The following TMPRSS15 variants were observed in gnomAD, a reference collection of about 807,000 sequenced individuals.
TMPRSS15 encodes the protein transmembrane serine protease 15.
A neutral mutation model predicts 125.3 loss-of-function variants in TMPRSS15; 128 were observed. The observed-to-expected ratio is 1.02, with a 90% CI of 0.89 to 1.18. The LOEUF (loss-of-function observed/expected upper bound fraction) is 1.18. TMPRSS15 is among the 50% of genes most tolerant of loss of function. The probability of loss-of-function intolerance (pLI) is 0.00; values close to 1 mark genes in which losing one functional copy is unlikely to be tolerated. For missense variants in TMPRSS15, 1,283 were observed against 1,212.7 expected (o/e 1.06, Z -0.86); for synonymous variants, 446 against 423.2 (o/e 1.05, Z -0.66).
At chr21:18,383,830 T>G in intron 3 of TMPRSS15, 52 bp from the exon 4 acceptor site, 1 of 1,585,904 alleles carries the variant, frequency 6.3e-7, no homozygotes, top group Non-Finnish European at 8.6e-7. Flanking sequence ...CTTCCACTGA[T>G]TTGTGTTCAA....
At chr21:18,463,194 G>A (rs2122910963) in intron 1 of TMPRSS15, among the ~76,000 whole-genome samples, 4,108 of 115,306 alleles carry the variant, frequency 0.036, 116 homozygotes, top group African/African-American at 0.1. Flanking sequence ...GCAAAAACAC[G>A]CATAGGCTCA....
rs374033466 is a variant in TMPRSS15 at position 18,317,834 on chromosome 21, T to C, written c.1922-2578A>G. ...CATCCCATTCTATCCTATCCCATCC[T>C]ATTCCATCCCATCCCATCCCATCCC... On this transcript the variant is annotated intron_variant, in intron 16 of 24. Transcript: ENST00000284885. 8.9e-3 allele frequency among the ~76,000 whole-genome samples: 319 copies of C among 35,870 alleles called. 5 individuals are homozygous for C. The highest frequency in any genetic ancestry group is 0.021 in the African/African-American group (172 of 8,168). 23.5% of individuals were successfully genotyped at this position (35,870 alleles called of 152,430 possible). A position where few individuals can be genotyped will look rare whatever the true frequency, so the allele number is the denominator to read the frequency against.
At chr21:18,332,267 A>G (rs2075353339) in intron 13 of TMPRSS15, 94 bp from the exon 14 acceptor site, 2 of 1,161,200 alleles carry the variant, frequency 1.7e-6, no homozygotes, top group Non-Finnish European at 2.6e-6. Context: ...TACATTTCTT[A>G]GAATACAAAT....
chr21:18,405,113 A>C (rs1569061572), upstream of TMPRSS15, among the ~76,000 whole-genome samples: 1 of 152,166 alleles, frequency 6.6e-6, no homozygotes, highest in African/African-American at 2.4e-5. Context: ...GCAGAAGCAA[A>C]CCCTTTTTAG....
At chr21:18,311,632 T>C (rs752492896) in intron 18 of TMPRSS15, among the ~76,000 whole-genome samples, 53 of 152,078 alleles carry the variant, frequency 3.5e-4, no homozygotes, top group Non-Finnish European at 1.2e-4. Flanking sequence ...CCATAGACTG[T>C]TGGGGAAAAT....
chr21:18,330,251 G>A (rs2075331438), intron 14 of TMPRSS15, among the ~76,000 whole-genome samples: 1 of 152,006 alleles, frequency 6.6e-6, no homozygotes, highest in South Asian at 2.1e-4. Flanking sequence ...ACCACAACAG[G>A]AGTTCAAATC....
intron 1 of TMPRSS15, among the ~76,000 whole-genome samples, chr21:18,402,390 G>A (rs1210313523): frequency 2.6e-5 from 4 of 151,950 alleles, no homozygotes; most frequent in African/African-American, 4.8e-5. Flanking sequence ...TTAGCTGGGC[G>A]TGATGGCGCG....
intron 23 of TMPRSS15, among the ~76,000 whole-genome samples, chr21:18,277,061 C>A (rs768017594): frequency 1.3e-5 from 2 of 151,958 alleles, no homozygotes; most frequent in Non-Finnish European, 2.9e-5. Flanking sequence ...CCACCGCACC[C>A]GGCCAGAAAA....
chr21:18,452,601 G>T (rs550668788), intron 1 of TMPRSS15, among the ~76,000 whole-genome samples: 9 of 152,320 alleles, frequency 5.9e-5, no homozygotes, highest in African/African-American at 2.2e-4. Context: ...TGGATGGGAT[G>T]TTGAGGCTGA....
intron 18 of TMPRSS15, among the ~76,000 whole-genome samples, chr21:18,311,167 C>A (rs920234382): frequency 6.7e-6 from 1 of 149,866 alleles, no homozygotes; most frequent in African/African-American, 2.5e-5. Context: ...TCCAGGACAT[C>A]GGTCTGGACA....
intron 16 of TMPRSS15, among the ~76,000 whole-genome samples, chr21:18,323,696 T>A (rs1301184036): frequency 6.6e-6 from 1 of 152,226 alleles, no homozygotes; most frequent in Non-Finnish European, 1.5e-5. Context: ...CTCAGTTTCT[T>A]TAAAAGTATA....
At chr21:18,459,287 CT>C (rs1978504477) in intron 1 of TMPRSS15, among the ~76,000 whole-genome samples, 1 of 135,380 alleles carries the variant, frequency 7.4e-6, no homozygotes, top group Admixed American at 7.3e-5. Flanking sequence ...TTTTCTTTTT[CT>C]TTTGAGACAG....
chr21:18,310,366 G>T (rs539019045), intron 18 of TMPRSS15, among the ~76,000 whole-genome samples: 1 of 151,620 alleles, frequency 6.6e-6, no homozygotes, highest in Admixed American at 6.6e-5. Context: ...AAAGTTTCAG[G>T]ATACAAAATA....
At chr21:18,409,151 T>C (rs1299537619) in intron 1 of TMPRSS15, among the ~76,000 whole-genome samples, 1 of 151,978 alleles carries the variant, frequency 6.6e-6, no homozygotes. Flanking sequence ...ATTTTTTTAA[T>C]AGTGTGTTTT....
chr21:18,385,751 CT>C (rs897483467), intron 3 of TMPRSS15, among the ~76,000 whole-genome samples: 47 of 147,110 alleles, frequency 3.2e-4, no homozygotes, highest in African/African-American at 4.7e-4. Flanking sequence ...ATAATAAACA[CT>C]TTTTTTTTTT....
At chr21:18,356,782 C>G (rs745837778) in intron 8 of TMPRSS15, among the ~76,000 whole-genome samples, 6 of 151,794 alleles carry the variant, frequency 4.0e-5, no homozygotes, top group Non-Finnish European at 7.4e-5. Flanking sequence ...TTGTTTAATT[C>G]CATAATGCAG....
At chr21:18,294,515 G>A in intron 20 of TMPRSS15, 71 bp from the exon 21 acceptor site, 2 of 1,602,906 alleles carry the variant, frequency 1.2e-6, no homozygotes, top group Middle Eastern at 1.7e-4. Flanking sequence ...AAATTGAGTG[G>A]TAACAAAATA....
chr21:18,353,130 A>G, intron 9 of TMPRSS15, 78 bp from the exon 10 acceptor site: 3 of 1,304,720 alleles, frequency 2.3e-6, no homozygotes, highest in Non-Finnish European at 1.1e-6. Context: ...TATTGAAAAT[A>G]ATCTAACCTT....
At chr21:18,271,969 A>T (rs1214340351) in intron 24 of TMPRSS15, among the ~76,000 whole-genome samples, 1 of 151,346 alleles carries the variant, frequency 6.6e-6, no homozygotes, top group African/African-American at 2.5e-5. Context: ...TTCTTTATTC[A>T]GTCTATCATT....
Sources: allele counts gnomAD v4.1 joint callset (sites outside exome capture counted in the v4.1 genomes callset), GRCh38; gene constraint gnomAD v4.1.1; transcripts MANE v1.5; gene names NCBI Gene and HGNC (gene_info 2026-07-23, HGNC 2026-07-21).